PDE4D: variants seen among roughly 807,000 people sequenced by gnomAD.
PDE4D encodes phosphodiesterase 4D, also known as 3',5'-cyclic-AMP phosphodiesterase 4D.
PDE4D carries 24 observed loss-of-function variants against 87.4 expected under a neutral mutation model. The observed-to-expected ratio is 0.27, with a 90% CI of 0.20 to 0.39. The LOEUF is 0.39. Ranked by LOEUF, PDE4D falls within the 10% of genes least tolerant of loss-of-function variation. The pLI, the probability that PDE4D is intolerant of heterozygous loss-of-function variation, is 1.00. For synonymous variants in PDE4D, 384 were observed against 383.2 expected, an observed-to-expected ratio of 1.00 and a Z score of -0.02; for missense variants, 714 against 1,041.0, an observed-to-expected ratio of 0.69 and a Z score of 4.32.
In PDE4D at chr5:58,975,662, AT is replaced by A; in HGVS notation, c.2007del (p.Lys669AsnfsTer7). ...MCDKHNASVE[K>X]SQVGFIDYIV... ...CTATACACTTCATGCATTACCTGTG[AT>A]TTTTCCACGGAAGCATTGTGCTTGT... On this transcript the variant is annotated frameshift_variant, in exon 14 of 15. Transcript: ENST00000340635. LOFTEE classifies it high-confidence loss of function. The surrounding 1 kb of genome is among the most constrained non-coding windows in gnomAD (Gnocchi z 4.2). 6.3e-7 allele frequency: 1 copy of A among 1,592,162 alleles called. No individual in the cohort carries two copies. The highest frequency in any genetic ancestry group is 8.6e-7 in the Non-Finnish European group (1 of 1,168,678).
At chr5:60,197,553 T>A (rs1683953859) in intron 1 of PDE4D, among the ~76,000 whole-genome samples, 4 of 151,536 alleles carry the variant, frequency 2.6e-5, no homozygotes, top group Admixed American at 2.6e-4. Flanking sequence ...TGGTAGAGCA[T>A]CATGCAGATC....
intron 1 of PDE4D, among the ~76,000 whole-genome samples, chr5:59,632,378 A>C (rs1831685123): frequency 6.6e-6 from 1 of 152,226 alleles, no homozygotes; most frequent in South Asian, 2.1e-4. Context: ...TTCCCAGCAC[A>C]GCCCTTAAGC....
chr5:59,708,712 A>T (rs932969164), intron 1 of PDE4D, among the ~76,000 whole-genome samples: 8 of 152,036 alleles, frequency 5.3e-5, no homozygotes, highest in African/African-American at 1.9e-4. Context: ...CACCAAAAAG[A>T]CTCTGATAAC....
chr5:59,449,000 C>A (rs965415715), intron 1 of PDE4D, among the ~76,000 whole-genome samples: 3 of 152,124 alleles, frequency 2.0e-5, no homozygotes, highest in Non-Finnish European at 4.4e-5. Flanking sequence ...TTTCTGCCTC[C>A]CATCCACATG....
Position 60,481,753 on chromosome 5 carries a change from C to T in PDE4D, c.-90+6189G>A, listed in dbSNP as rs551218900. Among the ~76,000 whole-genome samples the T allele has an allele frequency of 3.3e-5, 5 of 152,228 alleles. No homozygotes were observed. The South Asian group carries it at 1.0e-3, about 32-fold the overall frequency. ...AAGAGAGAAAAATATCCCAGGACTACTTTTTCACTATAAGACATAAGTATT... is the reference window on the plus strand; with the variant it reads ...AAGAGAGAAAAATATCCCAGGACTATTTTTTCACTATAAGACATAAGTATT... On this transcript the variant is annotated intron_variant, in intron 1 of 16. Coordinates refer to the PDE4D transcript ENST00000502484.
intron 1 of PDE4D, among the ~76,000 whole-genome samples, chr5:59,815,082 AC>A (rs1335023304): frequency 1.3e-5 from 2 of 152,218 alleles, no homozygotes; most frequent in African/African-American, 4.8e-5. Context: ...GAAACTGTCA[AC>A]ATGAGAGATA....
chr5:59,445,838 TTC>T (rs1163001669), intron 1 of PDE4D, among the ~76,000 whole-genome samples: 2 of 152,188 alleles, frequency 1.3e-5, no homozygotes, highest in African/African-American at 4.8e-5. Flanking sequence ...ACAATATAAT[TTC>T]TTTTTGATGG....
intron 2 of PDE4D, among the ~76,000 whole-genome samples, chr5:60,154,493 C>T (rs1781791240): frequency 6.6e-6 from 1 of 152,146 alleles, no homozygotes; most frequent in South Asian, 2.1e-4. Flanking sequence ...CCAGGCTGGT[C>T]TGGAACTCCT....
At chr5:59,956,049 C>G (rs1216642974) in intron 3 of PDE4D, among the ~76,000 whole-genome samples, 1 of 152,160 alleles carries the variant, frequency 6.6e-6, no homozygotes, top group Non-Finnish European at 1.5e-5. Flanking sequence ...CTGGTCCCCA[C>G]AGACAAAGAT....
At chr5:60,020,757 C>T (rs1765966975) in intron 2 of PDE4D, among the ~76,000 whole-genome samples, 1 of 152,146 alleles carries the variant, frequency 6.6e-6, no homozygotes, top group South Asian at 2.1e-4. Flanking sequence ...ATCACCAAGC[C>T]AATACCTGAT....
At chr5:59,138,342 C>A (rs1195779929) in intron 5 of PDE4D, among the ~76,000 whole-genome samples, 4 of 152,052 alleles carry the variant, frequency 2.6e-5, no homozygotes, top group Admixed American at 1.3e-4. Flanking sequence ...GGCTGGAGTG[C>A]AGTGGCACGA....
intron 1 of PDE4D, among the ~76,000 whole-genome samples, chr5:59,412,396 A>G (rs6879949): frequency 0.17 from 25,871 of 152,012 alleles, 2,936 homozygotes; most frequent in African/African-American, 0.31. Flanking sequence ...TAAAAAGCAT[A>G]CTCCCCTCTG....
intron 5 of PDE4D, among the ~76,000 whole-genome samples, chr5:59,122,674 G>A (rs6896215): frequency 0.91 from 138,979 of 152,254 alleles, 64,113 homozygotes; most frequent in Non-Finnish European, 0.96. Flanking sequence ...CACCAACAAA[G>A]ATAATTTACT....
chr5:59,682,909 G>A (rs969741215), intron 1 of PDE4D, among the ~76,000 whole-genome samples: 6 of 152,230 alleles, frequency 3.9e-5, no homozygotes, highest in Non-Finnish European at 7.4e-5. Flanking sequence ...AGTCTTTCAC[G>A]AAGACTCAGA....
chr5:60,142,627 A>G (rs1339091449), intron 2 of PDE4D, among the ~76,000 whole-genome samples: 1 of 152,188 alleles, frequency 6.6e-6, no homozygotes, highest in Admixed American at 6.5e-5. Context: ...AGGACTACCA[A>G]ACAGTTAGAT....
intron 1 of PDE4D, among the ~76,000 whole-genome samples, chr5:59,419,483 T>A (rs1794140856): frequency 6.6e-6 from 1 of 152,224 alleles, no homozygotes; most frequent in Non-Finnish European, 1.5e-5. Flanking sequence ...GCACTTATCA[T>A]CTGTCTTTAG....
At chr5:59,738,638 T>A (rs1043046334) in intron 1 of PDE4D, among the ~76,000 whole-genome samples, 1 of 152,006 alleles carries the variant, frequency 6.6e-6, no homozygotes, top group Admixed American at 6.6e-5. Context: ...TGGTTTGAAC[T>A]CTTTGATGCA....
At chr5:60,483,561 C>T (rs897858262) in intron 1 of PDE4D, among the ~76,000 whole-genome samples, 1 of 152,018 alleles carries the variant, frequency 6.6e-6, no homozygotes, top group African/African-American at 2.4e-5. Context: ...CACCTAACTC[C>T]TGATTTTTGC....
chr5:59,091,234 T>C (rs1768670879), intron 5 of PDE4D: 1 of 411,954 alleles, frequency 2.4e-6, no homozygotes, highest in Non-Finnish European at 4.8e-6. Context: ...TTTCTGCTTA[T>C]CTGCTGAAGT....
Sources: gnomAD v4.1 joint callset for allele counts (sites outside exome capture counted in the v4.1 genomes callset) on GRCh38, gnomAD v4.1.1 for gene constraint, Gnocchi (gnomAD v3.1) non-coding constraint, MANE v1.5 for transcripts, NCBI Gene and HGNC (gene_info 2026-07-23, HGNC 2026-07-21) for gene names.